Variants in XKR6 observed in about 807,000 individuals in gnomAD.
The protein encoded by XKR6 is XK related 6.
A neutral mutation model predicts 56.7 loss-of-function variants in XKR6; 22 were observed. The observed-to-expected ratio is 0.39, with a 90% confidence interval of 0.28 to 0.55. XKR6 has a LOEUF of 0.55. Ranked by LOEUF, XKR6 falls within the 20% of genes least tolerant of loss-of-function variation. The pLI is 0.66. For synonymous variants in XKR6, 524 were observed against 387.8 expected (o/e 1.35, Z -4.13); for missense variants, 852 against 889.0 (o/e 0.96, Z 0.53).
In XKR6 at chr8:10,953,823, C is replaced by G. The variant is rs576025827; in HGVS notation, c.765-28993G>C. On this transcript the variant is annotated intron_variant, in intron 1 of 2. Transcript: ENST00000416569. ...TCACAAGCAGCTGCTACCTGTTCTT[C>G]CATTCCACCACAGCCTCTGGCAAGT... Among the ~76,000 whole-genome samples the G allele has an allele frequency of 3.3e-5, 5 of 152,352 alleles. No individual in the cohort carries two copies. In the East Asian group the frequency reaches 9.6e-4, roughly 29 times the overall value.
Position 11,200,684 on chromosome 8 carries a change from C to A in XKR6, c.656G>T (p.Gly219Val). ...AGYVHGAARG[G>V]PGVRVSPTPG... ...CGTGGGGGAGACCCTCACGCCTGGG[C>A]CACCGCGGGCCGCGCCGTGGACGTA... Residue 219 changes from glycine (G) to valine (V), a missense_variant, in exon 1 of 3, where the codon GGC becomes GTC. Coordinates refer to ENST00000416569, the MANE Select transcript of XKR6 (RefSeq NM_173683.4). The surrounding 1 kb of genome is among the most constrained non-coding windows in gnomAD (Gnocchi z 6.4). The A allele has an allele frequency of 6.4e-7, 1 of 1,567,070 alleles. No homozygotes were observed. The highest frequency in any genetic ancestry group is 8.6e-7 in the Non-Finnish European group (1 of 1,165,532).
At chr8:11,165,000 C>A (rs1801998521) in intron 1 of XKR6, among the ~76,000 whole-genome samples, 1 of 150,906 alleles carries the variant, frequency 6.6e-6, no homozygotes, top group African/African-American at 2.4e-5. Flanking sequence ...CCAGAGGTAC[C>A]AACAGGGTTA....
intron 2 of XKR6, among the ~76,000 whole-genome samples, chr8:10,902,796 G>T (rs1274724646): frequency 6.6e-6 from 1 of 152,246 alleles, no homozygotes; most frequent in Non-Finnish European, 1.5e-5. Context: ...CCCCTGATGT[G>T]CCTGCCCCTC....
At chr8:11,112,560 A>G (rs1402353419) in intron 1 of XKR6, among the ~76,000 whole-genome samples, 3 of 152,254 alleles carry the variant, frequency 2.0e-5, no homozygotes, top group Non-Finnish European at 4.4e-5. Context: ...CATGCTACTT[A>G]GACCAGCTTA....
chr8:10,928,306 G>C (rs987507421), intron 1 of XKR6, among the ~76,000 whole-genome samples: 24 of 152,212 alleles, frequency 1.6e-4, no homozygotes, highest in African/African-American at 5.5e-4. Context: ...CAGCTCCTGC[G>C]ATCACGCGGC....
chr8:11,000,345 A>G (rs1198246645), intron 1 of XKR6, among the ~76,000 whole-genome samples: 2 of 152,210 alleles, frequency 1.3e-5, no homozygotes, highest in African/African-American at 4.8e-5. Flanking sequence ...GCAATGCATC[A>G]TAATATGTTG....
At chr8:11,195,707 G>T (rs1452624011) in intron 1 of XKR6, among the ~76,000 whole-genome samples, 15 of 149,120 alleles carry the variant, frequency 1.0e-4, no homozygotes, top group African/African-American at 3.2e-4. Flanking sequence ...GGAGTGCAGT[G>T]GCGCGAACTT....
chr8:11,188,149 G>T (rs1436156115), intron 1 of XKR6, among the ~76,000 whole-genome samples: 3 of 152,040 alleles, frequency 2.0e-5, no homozygotes, highest in African/African-American at 7.2e-5. Context: ...ATAGTGAGTT[G>T]AAATGCCAAG....
intron 1 of XKR6, among the ~76,000 whole-genome samples, chr8:11,135,435 G>A (rs144262222): frequency 2.1e-3 from 318 of 152,210 alleles, no homozygotes; most frequent in African/African-American, 7.4e-3. Context: ...AGTTAATCAT[G>A]ATTTACTTAC....
At chr8:11,067,331 G>T (rs1222428193) in intron 1 of XKR6, among the ~76,000 whole-genome samples, 1 of 152,182 alleles carries the variant, frequency 6.6e-6, no homozygotes, top group Non-Finnish European at 1.5e-5. Context: ...CCGGACACCT[G>T]GAGCAGCCAC....
At chr8:10,997,763 A>G (rs2129142168) in intron 1 of XKR6, among the ~76,000 whole-genome samples, 1 of 152,246 alleles carries the variant, frequency 6.6e-6, no homozygotes, top group East Asian at 1.9e-4. Context: ...ACAAGGAAGG[A>G]GCAGGAGCTA....
At chr8:10,988,524 G>C (rs1451024663) in intron 1 of XKR6, among the ~76,000 whole-genome samples, 1 of 152,168 alleles carries the variant, frequency 6.6e-6, no homozygotes, top group African/African-American at 2.4e-5. Context: ...TGCAACTGAA[G>C]ATCAGAAAGG....
Position 10,912,006 on chromosome 8 carries a change from G to T in XKR6, c.961+12628C>A, listed in dbSNP as rs542076822. On this transcript the variant is annotated intron_variant, in intron 2 of 2. Transcript: ENST00000416569. ...AAGAGAGAGAATATATATATATATA[G>T]AGAGAGAGAGCAAGAGAGGGTGAGT... Among the ~76,000 whole-genome samples the T allele has an allele frequency of 3.0e-4, 45 of 148,194 alleles. 1 individual carries two copies. Among genetic ancestry groups the T allele is most frequent in the South Asian group, 6.5e-4 (3 of 4,618 alleles).
chr8:11,004,462 G>A (rs1798319871), intron 1 of XKR6, among the ~76,000 whole-genome samples: 2 of 150,486 alleles, frequency 1.3e-5, no homozygotes, highest in African/African-American at 5.0e-5. Flanking sequence ...GCGACACAGT[G>A]AGAGTCCATC....
intron 1 of XKR6, among the ~76,000 whole-genome samples, chr8:11,167,868 G>A (rs1475737401): frequency 1.4e-5 from 2 of 144,004 alleles, no homozygotes; most frequent in African/African-American, 5.1e-5. Flanking sequence ...AAGCCTGGGT[G>A]ACAGAGTAAG....
At chr8:11,193,740 C>T (rs1309149163) in intron 1 of XKR6, among the ~76,000 whole-genome samples, 1 of 36,050 alleles carries the variant, frequency 2.8e-5, no homozygotes, top group Non-Finnish European at 5.2e-5. Flanking sequence ...AGGTTCTGAC[C>T]CCCCCCCCCC....
At chr8:11,188,766 A>C (rs1041527138) in intron 1 of XKR6, among the ~76,000 whole-genome samples, 4 of 152,146 alleles carry the variant, frequency 2.6e-5, no homozygotes, top group Admixed American at 2.0e-4. Context: ...CGAGCAGAGG[A>C]TCTAACCCTC....
intron 1 of XKR6, among the ~76,000 whole-genome samples, chr8:11,004,788 C>T (rs79853059): frequency 0.077 from 11,678 of 152,246 alleles, 576 homozygotes; most frequent in Middle Eastern, 0.12. Context: ...GGAGACAACC[C>T]AAGTGTCCAT....
intron 1 of XKR6, among the ~76,000 whole-genome samples, chr8:10,999,743 A>T (rs1052666273): frequency 6.6e-6 from 1 of 152,222 alleles, no homozygotes; most frequent in Non-Finnish European, 1.5e-5. Context: ...GCATAAAAAG[A>T]ATCAGGAAAT....
Sources: allele counts gnomAD v4.1 joint callset (sites outside exome capture counted in the v4.1 genomes callset), GRCh38; gene constraint gnomAD v4.1.1; non-coding constraint Gnocchi (gnomAD v3.1); transcripts MANE v1.5; gene names NCBI Gene and HGNC (gene_info 2026-07-23, HGNC 2026-07-21).